The following EFR3A variants were observed in gnomAD, a reference collection of about 807,000 sequenced individuals.
EFR3A encodes protein EFR3 homolog A.
A neutral mutation model predicts 104.4 loss-of-function variants in EFR3A; 76 were observed. That is an observed-to-expected ratio of 0.73 (90% confidence interval 0.60 to 0.88). EFR3A has a LOEUF of 0.88. Among genes scored for constraint, EFR3A ranks in the 40% least tolerant of loss-of-function variants. The pLI is 0.00. For synonymous variants in EFR3A, 330 were observed against 330.0 expected, an observed-to-expected ratio of 1.00 and a Z score of 0.00; for missense variants, 985 against 1,012.5, an observed-to-expected ratio of 0.97 and a Z score of 0.37.
At chr8:131,978,756 C>T (rs1243988867) in intron 12 of EFR3A, 91 bp from the exon 13 acceptor site, 5 of 1,008,384 alleles carry the variant, frequency 5.0e-6, no homozygotes, top group Non-Finnish European at 6.7e-6. Flanking sequence ...TATTTTCTTT[C>T]CTAAGTTTAT....
intron 18 of EFR3A, among the ~76,000 whole-genome samples, chr8:131,992,212 T>C (rs964172389): frequency 3.3e-5 from 5 of 152,202 alleles, no homozygotes; most frequent in African/African-American, 9.6e-5. Context: ...CACATACTGC[T>C]TTGTGGCAAT....
rs1818724267 is a variant in EFR3A, at chr8:131,951,933, C to T, written c.488+1843C>T. ...ATTTATATTCTATTTTAAGTTCTAA[C>T]TTAGAGAAATCATCAGTCCCTTTAT... On this transcript the variant is annotated intron_variant, in intron 5 of 22. Transcript: ENST00000254624. Among the ~76,000 whole-genome samples, 2 of 152,088 alleles carry T rather than the reference C, an allele frequency of 1.3e-5. 1 individual carries two copies. The highest frequency in any genetic ancestry group is 4.1e-4 in the South Asian group (2 of 4,828).
At chr8:131,935,067 T>C (rs577115270) in intron 1 of EFR3A, among the ~76,000 whole-genome samples, 2 of 152,254 alleles carry the variant, frequency 1.3e-5, no homozygotes, top group East Asian at 1.9e-4. Flanking sequence ...TAATAGAAAG[T>C]CTGTCTCTTT....
At chr8:131,912,892 T>A (rs924118802) in intron 1 of EFR3A, among the ~76,000 whole-genome samples, 32 of 152,046 alleles carry the variant, frequency 2.1e-4, no homozygotes, top group African/African-American at 7.5e-4. Context: ...CTGATTGCTA[T>A]CATGTAAAAA....
chr8:131,915,772 C>A (rs1335639499), intron 1 of EFR3A, among the ~76,000 whole-genome samples: 3 of 152,284 alleles, frequency 2.0e-5, no homozygotes, highest in Admixed American at 6.5e-5. Flanking sequence ...GTGGAAATAA[C>A]CATTAAGCAG....
At position 131,944,767 on chromosome 8, in the gene EFR3A, T is replaced by C. The variant is rs757875404; in HGVS notation, c.110T>C (p.Met37Thr). ...DPKDGLVKTD[M>T]EKLTFYAVSA... is the part of the protein sequence containing the mutation. ...TAGGATGGCCTTGTGAAAACTGATA[T>C]GGAGAAATTGACATTTTATGCAGTA... The change falls in exon 3 of 23, where the codon ATG becomes ACG. Residue 37 changes from methionine to threonine, a missense_variant. Coordinates refer to ENST00000254624, the MANE Select transcript of EFR3A (RefSeq NM_015137.6). 3 of 1,600,280 alleles carry C rather than the reference T, an allele frequency of 1.9e-6. No individual in the cohort carries two copies. The highest frequency in any genetic ancestry group is 2.6e-6 in the Non-Finnish European group (3 of 1,173,744).
intron 20 of EFR3A, 78 bp downstream of exon 20, chr8:132,001,885 G>T: frequency 8.3e-7 from 1 of 1,205,942 alleles, no homozygotes; most frequent in Non-Finnish European, 1.2e-6. Flanking sequence ...GACAGAATAC[G>T]TAGAGGGGAC....
At chr8:131,985,354 T>C (rs1333011317) in intron 16 of EFR3A, among the ~76,000 whole-genome samples, 1 of 152,222 alleles carries the variant, frequency 6.6e-6, no homozygotes, top group African/African-American at 2.4e-5. Context: ...TGAACCCTTA[T>C]GACTCTTAGT....
At chr8:131,965,702 C>T (rs559869535) in intron 8 of EFR3A, among the ~76,000 whole-genome samples, 439 of 152,094 alleles carry the variant, frequency 2.9e-3, no homozygotes, top group African/African-American at 9.8e-3. Flanking sequence ...CCAGCCATCC[C>T]ATTACTGGGT....
chr8:131,922,633 T>G (rs1370746892), intron 1 of EFR3A, among the ~76,000 whole-genome samples: 4 of 152,136 alleles, frequency 2.6e-5, no homozygotes, highest in African/African-American at 9.7e-5. Flanking sequence ...AATTTCTCTC[T>G]TAAATTCTCC....
chr8:131,957,266 A>C (rs1055061059), intron 7 of EFR3A, among the ~76,000 whole-genome samples: 1 of 152,164 alleles, frequency 6.6e-6, no homozygotes, highest in East Asian at 1.9e-4. Context: ...AAAATAATAT[A>C]TGGATTATGA....
intron 8 of EFR3A, among the ~76,000 whole-genome samples, chr8:131,963,765 C>CA (rs1240121486): frequency 1.3e-5 from 2 of 151,900 alleles, no homozygotes; most frequent in Admixed American, 1.3e-4. Context: ...AGAGACACAT[C>CA]AAAAAAAGAG....
At chr8:131,950,114 T>A (rs1483901598) in intron 5 of EFR3A, 24 bp downstream of exon 5, 2 of 1,571,006 alleles carry the variant, frequency 1.3e-6, no homozygotes, top group Admixed American at 3.6e-5. Flanking sequence ...TACTTTATGA[T>A]CTATAGTAAG....
chr8:131,976,219 T>G (rs1238939199), intron 11 of EFR3A, 78 bp downstream of exon 11: 1 of 965,554 alleles, frequency 1.0e-6, no homozygotes, highest in Admixed American at 2.7e-5. Context: ...ATGTTAACGT[T>G]TTGTTTTTTT....
chr8:131,977,555 G>A (rs1382384703), intron 12 of EFR3A, among the ~76,000 whole-genome samples: 2 of 152,150 alleles, frequency 1.3e-5, no homozygotes, highest in African/African-American at 4.8e-5. Context: ...GCTATAAGTA[G>A]CTGAAAAGGA....
chr8:131,983,289 C>G (rs1336365410), intron 14 of EFR3A, among the ~76,000 whole-genome samples: 1 of 152,088 alleles, frequency 6.6e-6, no homozygotes, highest in African/African-American at 2.4e-5. Flanking sequence ...GATGCTTGTG[C>G]TTTGCCACTG....
At chr8:131,956,967 A>G (rs1003427987) in intron 7 of EFR3A, among the ~76,000 whole-genome samples, 1 of 152,060 alleles carries the variant, frequency 6.6e-6, no homozygotes, top group Non-Finnish European at 1.5e-5. Context: ...GAACTAATCT[A>G]TAAGGCCTTA....
At chr8:131,977,709 A>G (rs911457952) in intron 12 of EFR3A, among the ~76,000 whole-genome samples, 1 of 152,154 alleles carries the variant, frequency 6.6e-6, no homozygotes, top group Non-Finnish European at 1.5e-5. Flanking sequence ...TACATGATCT[A>G]ATTTTTTAAA....
intron 20 of EFR3A, among the ~76,000 whole-genome samples, chr8:132,002,222 A>G (rs1223999172): frequency 6.6e-6 from 1 of 152,178 alleles, no homozygotes; most frequent in African/African-American, 2.4e-5. Context: ...TTTAGCAAAT[A>G]TTTTATGTAG....
Sources: gnomAD v4.1 joint callset for allele counts (sites outside exome capture counted in the v4.1 genomes callset) on GRCh38, gnomAD v4.1.1 for gene constraint, MANE v1.5 for transcripts, NCBI Gene and HGNC (gene_info 2026-07-23, HGNC 2026-07-21) for gene names.